NINL: variants seen among roughly 807,000 people sequenced by gnomAD.
NINL encodes ninein-like protein.
A neutral mutation model predicts 160.3 loss-of-function variants in NINL; 153 were observed. That is an observed-to-expected ratio of 0.95 (90% confidence interval 0.84 to 1.09). NINL has a LOEUF of 1.09. NINL is among the 50% of genes least tolerant of loss of function. The pLI is 0.00. For synonymous variants in NINL, 800 were observed against 734.8 expected (o/e 1.09, Z -1.43); for missense variants, 1,829 against 1,764.0 (o/e 1.04, Z -0.66).
intron 18 of NINL, 102 bp downstream of exon 18, chr20:25,469,889 A>G (rs2063049946): frequency 1.3e-6 from 1 of 784,150 alleles, no homozygotes. Flanking sequence ...TGCAGGGCTA[A>G]TCTGAGAACA....
In NINL at chr20:25,545,927, CT is replaced by C. The variant is rs1281832542; in HGVS notation, c.-11-19330del. Among the ~76,000 whole-genome samples the C allele has an allele frequency of 2.6e-5, 4 of 152,092 alleles. No individual in the cohort carries two copies. In the East Asian group the frequency reaches 7.7e-4, roughly 29 times the overall value. ...CTGAAGCCTGCTATCTGGAGGCTCCCTAAGTATAATGAGAACCCTGGTCTCC... is the reference window on the plus strand; with the variant it reads ...CTGAAGCCTGCTATCTGGAGGCTCCCAAGTATAATGAGAACCCTGGTCTCC... On this transcript the variant is annotated intron_variant, in intron 1 of 23. Coordinates refer to ENST00000278886, the MANE Select transcript of NINL (RefSeq NM_025176.6).
rs190921741 is a variant in NINL, at chr20:25,558,674, G to C, written c.-12+26781C>G. On this transcript the variant is annotated intron_variant, in intron 1 of 23. Coordinates refer to ENST00000278886, the MANE Select transcript of NINL (RefSeq NM_025176.6). ...TTCCATTGTCCTCAACATGCAGTCA[G>C]GTTGTTCTTTGCTCTTACATTTTAA... is the stretch of plus-strand genomic sequence containing the variant. Among the ~76,000 whole-genome samples, 6 of 152,336 alleles carry C rather than the reference G, an allele frequency of 3.9e-5. No individual in the cohort carries two copies. In the East Asian group the frequency reaches 1.2e-3, roughly 29 times the overall value.
Position 25,465,827 on chromosome 20 carries a change from C to G in NINL, c.3423+1562G>C, listed in dbSNP as rs570319195. 3.3e-5 allele frequency among the ~76,000 whole-genome samples: 5 copies of G among 152,220 alleles called. No individual in the cohort carries two copies. The South Asian group carries it at 1.0e-3, about 32-fold the overall frequency. On this transcript the variant is annotated intron_variant, in intron 19 of 23. Transcript: ENST00000278886. ...CCAGCTGCACCCTACTGCCAGCAACCTTGTTGTGCAGGACACTTTTTAATA... is the reference window on the plus strand; with the variant it reads ...CCAGCTGCACCCTACTGCCAGCAACGTTGTTGTGCAGGACACTTTTTAATA...
intron 9 of NINL, 142 bp from the exon 10 acceptor site, chr20:25,496,945 C>A: frequency 9.2e-7 from 1 of 1,084,792 alleles, no homozygotes; most frequent in East Asian, 2.5e-5. Context: ...CACCAGCCTG[C>A]TCCTAAGGCA....
intron 1 of NINL, among the ~76,000 whole-genome samples, chr20:25,567,145 C>G (rs1016002494): frequency 6.6e-6 from 1 of 152,084 alleles, no homozygotes; most frequent in African/African-American, 2.4e-5. Flanking sequence ...CTTTGATGGG[C>G]TCATCAGTAG....
At chr20:25,585,034 C>G (rs2065212639) in intron 1 of NINL, among the ~76,000 whole-genome samples, 1 of 152,182 alleles carries the variant, frequency 6.6e-6, no homozygotes, top group African/African-American at 2.4e-5. Flanking sequence ...GACCAGACGC[C>G]GGCGGCGTCA....
At chr20:25,506,122 T>C (rs921132817) in intron 5 of NINL, among the ~76,000 whole-genome samples, 2 of 151,962 alleles carry the variant, frequency 1.3e-5, no homozygotes, top group African/African-American at 4.8e-5. Flanking sequence ...ATTAGCCGGG[T>C]GTGATGGCAG....
chr20:25,542,377 A>C (rs1260027070), intron 1 of NINL, among the ~76,000 whole-genome samples: 3 of 152,162 alleles, frequency 2.0e-5, no homozygotes, highest in African/African-American at 4.8e-5. Flanking sequence ...AAGAAAAATG[A>C]ACAGAGTCTA....
rs1181878555 is a variant in NINL at position 25,453,587 on chromosome 20, GC to G, written c.4012del (p.Ala1338ProfsTer4). On this transcript the variant is annotated frameshift_variant, in exon 24 of 24. Coordinates refer to ENST00000278886, the MANE Select transcript of NINL (RefSeq NM_025176.6). LOFTEE classifies it low-confidence loss of function (END_TRUNC). ...LLLKELYVEN[A>X]HLVRALQATE... ...GGCCTGAAGTGCTCTCACCAGGTGG[GC>G]GTTCTCCACGTACAGCTCCTTCAGC... is the stretch of plus-strand genomic sequence containing the variant. 3 of 1,613,924 alleles carry G rather than the reference GC, an allele frequency of 1.9e-6. No homozygotes were observed. In the African/African-American group the frequency reaches 4.0e-5, roughly 22 times the overall value.
rs374753040 is a variant in NINL at position 25,485,322 on chromosome 20, A to G, written c.1678-3222T>C. Among the ~76,000 whole-genome samples the G allele has an allele frequency of 2.4e-3, 369 of 152,314 alleles. 2 individuals carry two copies. The highest frequency in any genetic ancestry group is 8.1e-3 in the African/African-American group (338 of 41,564). ...AAAGCCCTCGCTTGTGGCTTTTACA[A>G]ATTTCTGTGGTTTAAAGCCTGTATC... On this transcript the variant is annotated intron_variant, in intron 13 of 23. Transcript: ENST00000278886.
At chr20:25,557,586 G>A (rs932260783) in intron 1 of NINL, among the ~76,000 whole-genome samples, 14 of 151,802 alleles carry the variant, frequency 9.2e-5, no homozygotes, top group Admixed American at 8.5e-4. Flanking sequence ...AAGATAGAAG[G>A]ACTTTTTATA....
rs1345342973 is a variant in NINL, at chr20:25,476,474, C to T, written c.2817G>A (p.Arg939=). The part of the protein sequence containing the change: ...SAAGLEQPGA[R]ELPLLGTERD... ...TCTCTGTTCCCAGCAGAGGCAGCTC[C>T]CGGGCTCCAGGCTGCTCCAGCCCCG... Residue 939 remains arginine, a synonymous_variant, in exon 17 of 24, where the codon CGG becomes CGA. Coordinates refer to ENST00000278886, the MANE Select transcript of NINL (RefSeq NM_025176.6). 1 of 1,606,330 alleles carries T rather than the reference C, an allele frequency of 6.2e-7. No homozygotes were observed. The highest frequency in any genetic ancestry group is 8.5e-7 in the Non-Finnish European group (1 of 1,179,872).
chr20:25,539,729 ACT>A (rs2064629426), intron 1 of NINL, among the ~76,000 whole-genome samples: 1 of 151,534 alleles, frequency 6.6e-6, no homozygotes, highest in Admixed American at 6.6e-5. Context: ...AGCCGCCCTA[ACT>A]CTCCCCAGGG....
At chr20:25,481,905 G>A (rs978654257) in intron 14 of NINL, 63 bp downstream of exon 14, 9 of 1,563,204 alleles carry the variant, frequency 5.8e-6, no homozygotes, top group Non-Finnish European at 6.9e-6. Context: ...TCTTTTCCTG[G>A]CTCTGGGCCT....
chr20:25,479,865 A>G (rs2063349987), intron 15 of NINL, among the ~76,000 whole-genome samples: 1 of 152,240 alleles, frequency 6.6e-6, no homozygotes, highest in African/African-American at 2.4e-5. Context: ...CCCACAGACC[A>G]GCAAGGAGGG....
At chr20:25,490,479 G>A (rs1485685527) in intron 11 of NINL, among the ~76,000 whole-genome samples, 1 of 151,334 alleles carries the variant, frequency 6.6e-6, no homozygotes, top group Non-Finnish European at 1.5e-5. Context: ...AGAATGGTGG[G>A]AACCTGGGAG....
At position 25,476,255 on chromosome 20, in the gene NINL, G is replaced by T. The variant is rs1392440370; in HGVS notation, c.3036C>A (p.His1012Gln). Reference protein sequence around the residue: ...EGALEPGCHKHSVEVARRGSL... With the variant: ...EGALEPGCHKQSVEVARRGSL... ...ACCCTCTCCTGGCAACCTCCACACTGTGCTTGTGACACCCAGGCTCCAGGG... is the reference window on the plus strand; with the variant it reads ...ACCCTCTCCTGGCAACCTCCACACTTTGCTTGTGACACCCAGGCTCCAGGG... Residue 1012 changes from histidine (H) to glutamine (Q), a missense_variant, in exon 17 of 24, where the codon CAC (histidine) becomes CAA (glutamine). Transcript: ENST00000278886. The T allele has an allele frequency of 6.2e-7, 1 of 1,613,794 alleles. No homozygotes were observed. The highest frequency in any genetic ancestry group is 8.5e-7 in the Non-Finnish European group (1 of 1,179,992).
intron 22 of NINL, among the ~76,000 whole-genome samples, chr20:25,456,725 G>A (rs1402438484): frequency 6.6e-6 from 1 of 151,992 alleles, no homozygotes. Flanking sequence ...GAGGTCAGGA[G>A]TTCAGGACCA....
chr20:25,523,215 TGAATATATATATATGAGA>T lies in NINL; in HGVS notation c.180+3175_180+3192del, dbSNP rs1267150022. On this transcript the variant is annotated intron_variant, in intron 2 of 23. Transcript: ENST00000278886. Reference sequence around the variant, plus strand: ...GAGATGTGACCATCCTTTCTTTTTCTGAATATATATATATGAGAGAATATATATATATGAGAGAATATA... The same window carrying T: ...GAGATGTGACCATCCTTTCTTTTTCTGAATATATATATATGAGAGAATATA... Among the ~76,000 whole-genome samples, 1,025 of 152,138 alleles carry T rather than the reference TGAATATATATATATGAGA, an allele frequency of 6.7e-3. 13 individuals are homozygous for T. The highest frequency in any genetic ancestry group is 0.023 in the African/African-American group (935 of 41,468).
Sources: allele counts gnomAD v4.1 joint callset (sites outside exome capture counted in the v4.1 genomes callset), GRCh38; gene constraint gnomAD v4.1.1; transcripts MANE v1.5; gene names NCBI Gene and HGNC (gene_info 2026-07-23, HGNC 2026-07-21).